The following RBM39 variants were observed in gnomAD, a reference collection of about 807,000 sequenced individuals.
RBM39 encodes RNA-binding protein 39.
In RBM39, 12 loss-of-function variants were observed where a neutral mutation model predicts 79.6. That is an observed-to-expected ratio of 0.15 (90% CI 0.10 to 0.24). The LOEUF (loss-of-function observed/expected upper bound fraction) is 0.24. Among genes scored for constraint, RBM39 ranks in the 10% least tolerant of loss-of-function variants. RBM39 has a pLI of 1.00. For synonymous variants in RBM39, 185 were observed against 208.4 expected (o/e 0.89, Z 0.97); for missense variants, 243 against 653.4 (o/e 0.37, Z 6.85).
chr20:35,728,968 T>TG (rs1261620897), intron 6 of RBM39, among the ~76,000 whole-genome samples: 2 of 151,004 alleles, frequency 1.3e-5, no homozygotes, highest in Non-Finnish European at 3.0e-5. Context: ...CCCAGCTACT[T>TG]GGAGGGCTGA....
Position 35,709,515 on chromosome 20 carries a change from G to C in RBM39, c.1175-241C>G, listed in dbSNP as rs537432915. Among the ~76,000 whole-genome samples, 804 of 152,018 alleles carry C rather than the reference G, an allele frequency of 5.3e-3. 7 individuals are homozygous for C. The highest frequency in any genetic ancestry group is 0.024 in the South Asian group (116 of 4,810). On this transcript the variant is annotated intron_variant, in intron 12 of 16. Coordinates refer to ENST00000253363, the MANE Select transcript of RBM39 (RefSeq NM_184234.3). ...ACTAGACTACTCTTCCACATCTCAA[G>C]TGATTTTCACTACACTACTATACAG...
Position 35,705,228 on chromosome 20 carries a change from A to G in RBM39, c.1410T>C (p.Ala470=). 1 of 1,533,220 alleles carries G rather than the reference A, an allele frequency of 6.5e-7. No individual in the cohort carries two copies. The highest frequency in any genetic ancestry group is 8.9e-7 in the Non-Finnish European group (1 of 1,129,508). 95.0% of individuals were successfully genotyped at this position (1,533,220 alleles called of 1,614,324 possible). ...VIHIYVDKNS[A]QGNVYVKCPS... Reference sequence around the variant, plus strand: ...TTATAAAAAAAGATGAAAATACCTGAGCTGAATTTTTGTCAACATAAATAT... The same window carrying G: ...TTATAAAAAAAGATGAAAATACCTGGGCTGAATTTTTGTCAACATAAATAT... The change falls in exon 15 of 17, where the codon GCT becomes GCC. Residue 470 remains alanine (A), a synonymous_variant. Transcript: ENST00000253363.
chr20:35,723,639 T>C (rs995554534), intron 8 of RBM39, among the ~76,000 whole-genome samples: 17 of 152,172 alleles, frequency 1.1e-4, no homozygotes, highest in Non-Finnish European at 2.2e-4. Flanking sequence ...GGTTTCACCA[T>C]GTTGGCCAGG....
At chr20:35,706,238 A>C (rs2035714484) in intron 14 of RBM39, among the ~76,000 whole-genome samples, 1 of 152,178 alleles carries the variant, frequency 6.6e-6, no homozygotes, top group Admixed American at 6.5e-5. Flanking sequence ...CTCGAAAGGC[A>C]TGAGAACTGC....
At chr20:35,709,051 T>A (rs2036098145) in intron 13 of RBM39, 173 bp downstream of exon 13, 1 of 486,090 alleles carries the variant, frequency 2.1e-6, no homozygotes, top group African/African-American at 2.0e-5. Flanking sequence ...TAATTTGGGT[T>A]AGGTCTTCTG....
chr20:35,731,304 G>C (rs2039342036), intron 4 of RBM39: 2 of 152,218 alleles, frequency 1.3e-5, no homozygotes, highest in Admixed American at 6.5e-5. Flanking sequence ...TAATATATTT[G>C]TTTCCAACTT....
intron 8 of RBM39, 27 bp downstream of exon 8, chr20:35,724,543 C>A: frequency 1.9e-6 from 3 of 1,609,492 alleles, no homozygotes; most frequent in Middle Eastern, 1.7e-4. Context: ...CACCAATAAT[C>A]AAACTCTTAA....
intron 3 of RBM39, 154 bp from the exon 4 acceptor site, chr20:35,732,289 A>G: frequency 1.4e-6 from 1 of 699,334 alleles, no homozygotes; most frequent in Non-Finnish European, 2.4e-6. Context: ...TTAAAAAAAA[A>G]AAAAAATCCT....
intron 10 of RBM39, 120 bp downstream of exon 10, chr20:35,716,620 T>C: frequency 2.8e-6 from 2 of 706,370 alleles, no homozygotes; most frequent in Admixed American, 2.9e-5. Flanking sequence ...TCCCAGCAGT[T>C]TGGAAGGCTA....
At chr20:35,738,195 G>A (rs906615220) in intron 3 of RBM39, among the ~76,000 whole-genome samples, 2 of 151,976 alleles carry the variant, frequency 1.3e-5, no homozygotes, top group South Asian at 2.1e-4. Context: ...TTGAACCCAG[G>A]AGGCGGAGGT....
Position 35,721,610 on chromosome 20 carries a change from T to C in RBM39, c.825+130A>G. Reference sequence around the variant, plus strand: ...TTTTAATCTATGTTGTCACAGAAATTTTTATAAAACCAGCCCTTATCCTCT... The same window carrying C: ...TTTTAATCTATGTTGTCACAGAAATCTTTATAAAACCAGCCCTTATCCTCT... On this transcript the variant is annotated intron_variant, in intron 9 of 16. Coordinates refer to ENST00000253363, the MANE Select transcript of RBM39 (RefSeq NM_184234.3). The C allele has an allele frequency of 2.8e-6, 3 of 1,067,380 alleles. No individual in the cohort carries two copies. The South Asian group carries it at 5.4e-5, about 19-fold the overall frequency. The allele number at this position is 1,067,380 out of a possible 1,614,324, so 66.1% of individuals were successfully genotyped here. A position where few individuals can be genotyped will look rare whatever the true frequency, so the allele number is the denominator to read the frequency against.
intron 9 of RBM39, among the ~76,000 whole-genome samples, chr20:35,718,033 G>C (rs1349245868): frequency 6.6e-6 from 1 of 151,624 alleles, no homozygotes; most frequent in Non-Finnish European, 1.5e-5. Flanking sequence ...TAAATTTTTT[G>C]TATTTTTAGT....
intron 12 of RBM39, among the ~76,000 whole-genome samples, chr20:35,711,924 C>G (rs1273286605): frequency 6.6e-6 from 1 of 152,020 alleles, no homozygotes; most frequent in Non-Finnish European, 1.5e-5. Flanking sequence ...GCAGGCAGGT[C>G]TCTACTAAAA....
intron 8 of RBM39, among the ~76,000 whole-genome samples, chr20:35,724,247 G>A (rs1413320305): frequency 2.0e-5 from 3 of 151,860 alleles, no homozygotes; most frequent in South Asian, 2.1e-4. Context: ...CAGGAGAATC[G>A]CTTGAACCCA....
intron 13 of RBM39, chr20:35,708,039 G>A (rs916656895): frequency 5.7e-6 from 2 of 349,126 alleles, no homozygotes; most frequent in South Asian, 2.2e-5. Context: ...TAAAATAAAC[G>A]ATCACTTAAA....
intron 3 of RBM39, among the ~76,000 whole-genome samples, chr20:35,737,296 G>A (rs1020641150): frequency 2.0e-5 from 3 of 148,618 alleles, no homozygotes; most frequent in African/African-American, 5.0e-5. Context: ...AGGCTGAGGC[G>A]GAAGAATCGC....
intron 13 of RBM39, chr20:35,708,759 G>T (rs2036057494): frequency 6.5e-6 from 1 of 153,598 alleles, no homozygotes; most frequent in Non-Finnish European, 1.4e-5. Context: ...ACCTCTTATT[G>T]CTTGGTACTG....
Position 35,708,561 on chromosome 20 carries a change from A to G in RBM39, c.1225+663T>C, listed in dbSNP as rs527871607. Among the ~76,000 whole-genome samples, 5 of 151,918 alleles carry G rather than the reference A, an allele frequency of 3.3e-5. No homozygotes were observed. The South Asian group carries it at 1.0e-3, about 32-fold the overall frequency. ...ATTTAATTCTTGACTGTGATGGAAC[A>G]TGACATATCTTTCTCATAATCATTT... On this transcript the variant is annotated intron_variant, in intron 13 of 16. Coordinates refer to ENST00000253363, the MANE Select transcript of RBM39 (RefSeq NM_184234.3).
At chr20:35,714,979 G>A (rs1470618544) in intron 10 of RBM39, among the ~76,000 whole-genome samples, 1 of 152,124 alleles carries the variant, frequency 6.6e-6, no homozygotes, top group Non-Finnish European at 1.5e-5. Context: ...GGTGAGCTAT[G>A]TTTCATAAAT....
Sources: allele counts gnomAD v4.1 joint callset (sites outside exome capture counted in the v4.1 genomes callset), GRCh38; gene constraint gnomAD v4.1.1; transcripts MANE v1.5; gene names NCBI Gene and HGNC (gene_info 2026-07-23, HGNC 2026-07-21).